The following ERICH3 variants were observed in gnomAD, a reference collection of about 807,000 sequenced individuals.
The protein encoded by ERICH3 is glutamate rich 3, also known as glutamate-rich protein 3.
In ERICH3, 126 loss-of-function variants were observed where a neutral mutation model predicts 131.1. The ratio of observed to expected loss-of-function variants is 0.96; its 90% CI spans 0.83 to 1.11. The LOEUF (loss-of-function observed/expected upper bound fraction) is 1.11. Among genes scored for constraint, ERICH3 ranks in the 50% most tolerant of loss-of-function variants. The pLI is 0.00. For missense variants in ERICH3, 2,050 were observed against 1,810.7 expected (o/e 1.13, Z -2.40); for synonymous variants, 695 against 644.6 (o/e 1.08, Z -1.18).
At chr1:74,618,401 G>A (rs1649074704) in intron 8 of ERICH3, among the ~76,000 whole-genome samples, 1 of 152,132 alleles carries the variant, frequency 6.6e-6, no homozygotes, top group Non-Finnish European at 1.5e-5. Context: ...TATGGGACAA[G>A]TGAAGCAGCT....
chr1:74,664,319 A>G (rs1646669359), intron 1 of ERICH3, among the ~76,000 whole-genome samples: 1 of 151,996 alleles, frequency 6.6e-6, no homozygotes, highest in Non-Finnish European at 1.5e-5. Context: ...TTAAAAAAAA[A>G]AAAAACTTGT....
chr1:74,634,623 G>A, intron 6 of ERICH3: 3 of 711,788 alleles, frequency 4.2e-6, no homozygotes, highest in Non-Finnish European at 7.8e-6. Context: ...ATTGATCAAA[G>A]TAGCATTAAT....
intron 11 of ERICH3, among the ~76,000 whole-genome samples, chr1:74,597,300 G>T (rs1647900142): frequency 6.6e-6 from 1 of 151,872 alleles, no homozygotes; most frequent in South Asian, 2.1e-4. Flanking sequence ...AAATAAGAAA[G>T]TCTGACGATG....
intron 10 of ERICH3, 146 bp downstream of exon 10, chr1:74,606,455 C>G: frequency 1.3e-6 from 1 of 781,156 alleles, no homozygotes; most frequent in Admixed American, 2.9e-5. Context: ...CCATACAAAA[C>G]AGCAAAGGAA....
At chr1:74,596,622 G>T (rs1324614537) in intron 11 of ERICH3, among the ~76,000 whole-genome samples, 1 of 151,886 alleles carries the variant, frequency 6.6e-6, no homozygotes, top group African/African-American at 2.4e-5. Flanking sequence ...TCTTACTCAT[G>T]GACACTATCA....
At chr1:74,632,564 G>A (rs1570893152) in intron 6 of ERICH3, among the ~76,000 whole-genome samples, 2 of 150,788 alleles carry the variant, frequency 1.3e-5, no homozygotes, top group African/African-American at 2.4e-5. Context: ...ATACACACAT[G>A]CACACACACA....
At chr1:74,671,697 T>A (rs1646745047) in intron 1 of ERICH3, among the ~76,000 whole-genome samples, 1 of 152,184 alleles carries the variant, frequency 6.6e-6, no homozygotes, top group Non-Finnish European at 1.5e-5. Context: ...TATAAAACAC[T>A]AGAATGGAGC....
At chr1:74,591,691 A>T (rs2100564669) in intron 11 of ERICH3, among the ~76,000 whole-genome samples, 1 of 152,328 alleles carries the variant, frequency 6.6e-6, no homozygotes, top group African/African-American at 2.4e-5. Flanking sequence ...AACAATTTCC[A>T]GTAAAGTACC....
intron 5 of ERICH3, among the ~76,000 whole-genome samples, chr1:74,636,925 TCAAACA>T (rs1646395011): frequency 6.6e-6 from 1 of 152,184 alleles, no homozygotes; most frequent in Non-Finnish European, 1.5e-5. Context: ...ACAGTATAAT[TCAAACA>T]AAAGAGGAAA....
chr1:74,661,177 C>T (rs1570917878), intron 1 of ERICH3, among the ~76,000 whole-genome samples: 1 of 152,100 alleles, frequency 6.6e-6, no homozygotes. Flanking sequence ...ATGGTAATGA[C>T]ATCTGGGCAA....
At chr1:74,641,848 T>C (rs1383308365) in intron 4 of ERICH3, among the ~76,000 whole-genome samples, 3 of 152,142 alleles carry the variant, frequency 2.0e-5, no homozygotes, top group Non-Finnish European at 4.4e-5. Context: ...AGCTAAAATA[T>C]ATCTTGTGCC....
At chr1:74,609,396 G>C (rs1648579471) in intron 9 of ERICH3, among the ~76,000 whole-genome samples, 1 of 151,878 alleles carries the variant, frequency 6.6e-6, no homozygotes, top group South Asian at 2.1e-4. Flanking sequence ...ATTTCATTTT[G>C]AATGTATTGG....
At chr1:74,630,888 A>G (rs994634085) in intron 7 of ERICH3, among the ~76,000 whole-genome samples, 2 of 151,982 alleles carry the variant, frequency 1.3e-5, no homozygotes, top group African/African-American at 4.8e-5. Flanking sequence ...AGAATTGGTA[A>G]AAGTAGAGTT....
In ERICH3 at chr1:74,571,099, T is replaced by C. The variant is rs9326115; in HGVS notation, c.*18A>G. ...ACAAAGACATTACGCTTAAACTCAC[T>C]GTCTGCCAGCAAGTCTCCTAGACCT... On this transcript the variant is annotated splice_region_variant and 3_prime_UTR_variant, in exon 14 of 15. Coordinates refer to ENST00000326665, the MANE Select transcript of ERICH3 (RefSeq NM_001002912.5). The C allele has an allele frequency of 1, 1,597,027 of 1,604,558 alleles. 795,071 individuals are homozygous for C. The highest frequency in any genetic ancestry group is 1 in the East Asian group (44,804 of 44,804).
chr1:74,600,010 T>G, intron 10 of ERICH3, 79 bp from the exon 11 acceptor site: 1 of 1,003,292 alleles, frequency 1.0e-6, no homozygotes, highest in Non-Finnish European at 1.5e-6. Flanking sequence ...ATGAGAACTT[T>G]GACTCCATTA....
In ERICH3 at chr1:74,573,230, T is replaced by C. The variant is rs773090775; in HGVS notation, c.2480A>G (p.Glu827Gly). ...TATGCCTGGAGGGATCTCCCTTTTT[T>C]CTGTAAACTCTTCTGCCAATTCTGG... ...EQPELAEEFTEKREIPPGIER... is the reference protein window; with the variant it reads ...EQPELAEEFTGKREIPPGIER... The change falls in exon 14 of 15, where the codon GAA becomes GGA. Residue 827 changes from glutamate (E) to glycine (G), a missense_variant. Coordinates refer to ENST00000326665, the MANE Select transcript of ERICH3 (RefSeq NM_001002912.5). 5.0e-6 allele frequency: 8 copies of C among 1,607,728 alleles called. No homozygotes were observed. The highest frequency in any genetic ancestry group is 5.9e-6 in the Non-Finnish European group (7 of 1,177,254).
intron 7 of ERICH3, chr1:74,622,843 G>A (rs977863700): frequency 1.3e-5 from 2 of 152,108 alleles, no homozygotes; most frequent in Admixed American, 6.6e-5. Flanking sequence ...ATTTCTTTCT[G>A]CTAAAGCTTA....
At position 74,571,873 on chromosome 1, in the gene ERICH3, G is replaced by A. The variant is rs17095605; in HGVS notation, c.3837C>T (p.Pro1279=). The A allele has an allele frequency of 2.9e-3, 4,713 of 1,611,886 alleles. 135 individuals are homozygous for A. The African/African-American group carries it at 0.056, about 19-fold the overall frequency. ...RTQEAVAEED[P]IMAEKFREEA... ...CCTCCCTGAACTTTTCTGCCATTAT[G>A]GGATCTTCCTCAGCAACAGCTTCCT... The change falls in exon 14 of 15, where the codon CCC becomes CCT. Residue 1279 remains proline (P), a synonymous_variant. Coordinates refer to ENST00000326665, the MANE Select transcript of ERICH3 (RefSeq NM_001002912.5).
chr1:74,630,953 G>A (rs1646325231), intron 7 of ERICH3, among the ~76,000 whole-genome samples: 1 of 152,058 alleles, frequency 6.6e-6, no homozygotes, highest in Non-Finnish European at 1.5e-5. Flanking sequence ...TTCTGAGAAG[G>A]TTAGAGGTAA....
Sources: allele counts gnomAD v4.1 joint callset (sites outside exome capture counted in the v4.1 genomes callset), GRCh38; gene constraint gnomAD v4.1.1; transcripts MANE v1.5; gene names NCBI Gene and HGNC (gene_info 2026-07-23, HGNC 2026-07-21).